EXOC4: variants seen among roughly 807,000 people sequenced by gnomAD.
EXOC4 encodes exocyst complex component 4, also known as SEC8-like 1.
In EXOC4, 71 loss-of-function variants were observed where a neutral mutation model predicts 107.2. The ratio of observed to expected loss-of-function variants is 0.66; its 90% CI spans 0.55 to 0.81. The LOEUF is 0.81. Among genes scored for constraint, EXOC4 ranks in the 30% least tolerant of loss-of-function variants. The pLI is 0.00. For synonymous variants in EXOC4, 456 were observed against 441.2 expected, an observed-to-expected ratio of 1.03 and a Z score of -0.42; for missense variants, 1,108 against 1,189.6, an observed-to-expected ratio of 0.93 and a Z score of 1.01.
At chr7:133,513,260 G>A (rs1194267835) in intron 9 of EXOC4, among the ~76,000 whole-genome samples, 2 of 152,062 alleles carry the variant, frequency 1.3e-5, no homozygotes, top group Admixed American at 1.3e-4. Context: ...GTAGAAACAG[G>A]GTTTCACCAT....
At chr7:133,509,021 C>G (rs1313612143) in intron 9 of EXOC4, among the ~76,000 whole-genome samples, 1 of 152,100 alleles carries the variant, frequency 6.6e-6, no homozygotes, top group Non-Finnish European at 1.5e-5. Flanking sequence ...TGCTTAGTAT[C>G]CAATTACCCA....
chr7:133,461,674 C>T (rs554426044), intron 7 of EXOC4, among the ~76,000 whole-genome samples: 5 of 152,144 alleles, frequency 3.3e-5, no homozygotes, highest in Admixed American at 1.3e-4. Flanking sequence ...AATGGTATTC[C>T]TATAATGTAA....
At chr7:133,855,165 A>ATATATAT (rs1563028697) in intron 11 of EXOC4, among the ~76,000 whole-genome samples, 1 of 136,638 alleles carries the variant, frequency 7.3e-6, no homozygotes, top group African/African-American at 3.0e-5. Context: ...AAATATATAT[A>ATATATAT]TTTTTTTTAT....
intron 10 of EXOC4, among the ~76,000 whole-genome samples, chr7:133,721,781 G>A (rs1179538668): frequency 6.6e-6 from 1 of 152,226 alleles, no homozygotes; most frequent in Non-Finnish European, 1.5e-5. Flanking sequence ...GTGACCTGAA[G>A]GATGGTTGGT....
In EXOC4 at chr7:133,356,583, A is replaced by C; in HGVS notation, c.1007+10A>C. The C allele has an allele frequency of 6.2e-7, 1 of 1,613,274 alleles. No homozygotes were observed. The highest frequency in any genetic ancestry group is 8.5e-7 in the Non-Finnish European group (1 of 1,179,566). On this transcript the variant is annotated intron_variant, in intron 6 of 17. Transcript: ENST00000253861. ...TGGAGAACCAACCAAGGTAGGTGGG[A>C]GTGTATTTTGTATTTTTGACAACTC...
intron 10 of EXOC4, among the ~76,000 whole-genome samples, chr7:133,812,116 T>C (rs540397116): frequency 1.3e-5 from 2 of 152,130 alleles, no homozygotes; most frequent in East Asian, 3.9e-4. Flanking sequence ...TAGGGATGAT[T>C]AGATATGAAA....
chr7:133,679,279 CT>C (rs1183049569), intron 10 of EXOC4, among the ~76,000 whole-genome samples: 1 of 152,102 alleles, frequency 6.6e-6, no homozygotes, highest in Non-Finnish European at 1.5e-5. Context: ...TTTATAGGGC[CT>C]TTTTTTCCCT....
Position 133,751,540 on chromosome 7 carries a change from G to A in EXOC4, c.1515-65785G>A, listed in dbSNP as rs563391943. On this transcript the variant is annotated intron_variant, in intron 10 of 17. Coordinates refer to ENST00000253861, the MANE Select transcript of EXOC4 (RefSeq NM_021807.4). ...TCATTCAAGTTTAATTGGTTTTCAT[G>A]GACTGAATTGAAGCAGGAAGGCATA... Among the ~76,000 whole-genome samples, 72 of 152,234 alleles carry A rather than the reference G, an allele frequency of 4.7e-4. No individual in the cohort carries two copies. The South Asian group carries it at 8.5e-3, about 18-fold the overall frequency.
intron 10 of EXOC4, among the ~76,000 whole-genome samples, chr7:133,706,403 A>C (rs1051630057): frequency 6.6e-6 from 1 of 152,210 alleles, no homozygotes; most frequent in Non-Finnish European, 1.5e-5. Context: ...TTATATTTAC[A>C]TTTATACACA....
At chr7:133,855,042 T>TCTAA (rs1554409713) in intron 11 of EXOC4, among the ~76,000 whole-genome samples, 4 of 75,690 alleles carry the variant, frequency 5.3e-5, no homozygotes, top group African/African-American at 6.1e-5. Context: ...TCTAAATATA[T>TCTAA]ATATATCTAA....
At chr7:133,542,805 G>C (rs964339184) in intron 9 of EXOC4, among the ~76,000 whole-genome samples, 1 of 151,846 alleles carries the variant, frequency 6.6e-6, no homozygotes, top group Admixed American at 6.6e-5. Flanking sequence ...CTAATGAATG[G>C]CATTTAATTC....
At chr7:133,361,679 A>T (rs565463412) in intron 6 of EXOC4, among the ~76,000 whole-genome samples, 2 of 152,222 alleles carry the variant, frequency 1.3e-5, no homozygotes, top group Non-Finnish European at 2.9e-5. Context: ...TATCCTTGCC[A>T]ATCTGAGAGG....
At chr7:133,279,948 T>A (rs1332912382) in intron 2 of EXOC4, among the ~76,000 whole-genome samples, 3 of 152,142 alleles carry the variant, frequency 2.0e-5, no homozygotes, top group Admixed American at 6.5e-5. Flanking sequence ...CAAGCTTTTT[T>A]AAAAAAATTA....
chr7:133,294,130 C>G (rs933567157), intron 3 of EXOC4, among the ~76,000 whole-genome samples: 1 of 152,126 alleles, frequency 6.6e-6, no homozygotes, highest in Non-Finnish European at 1.5e-5. Context: ...CATTATCACT[C>G]AAAACACTCC....
chr7:133,662,564 T>C (rs939147985), intron 10 of EXOC4, among the ~76,000 whole-genome samples: 1 of 152,120 alleles, frequency 6.6e-6, no homozygotes, highest in Non-Finnish European at 1.5e-5. Context: ...CTATCACGTA[T>C]GGCTAGTTTA....
chr7:133,268,492 C>T (rs1793789542), intron 1 of EXOC4, among the ~76,000 whole-genome samples: 1 of 152,082 alleles, frequency 6.6e-6, no homozygotes, highest in South Asian at 2.1e-4. Flanking sequence ...ACAATACTGA[C>T]TTTTATGTAT....
chr7:134,029,888 C>T (rs531782459), intron 17 of EXOC4, among the ~76,000 whole-genome samples: 32 of 152,254 alleles, frequency 2.1e-4, no homozygotes, highest in African/African-American at 6.7e-4. Context: ...CTATTGGGAG[C>T]TTCTCTCCAC....
At position 133,617,582 on chromosome 7, in the gene EXOC4, A is replaced by G. The variant is rs534788482; in HGVS notation, c.1418-12463A>G. On this transcript the variant is annotated intron_variant, in intron 9 of 17. Transcript: ENST00000253861. ...CCCAAGTGAACTAGCATGGCACAGGAGAACAGGAACAAAGCCCAGGACCTG... is the reference window on the plus strand; with the variant it reads ...CCCAAGTGAACTAGCATGGCACAGGGGAACAGGAACAAAGCCCAGGACCTG... 1.9e-3 allele frequency among the ~76,000 whole-genome samples: 282 copies of G among 152,300 alleles called. 4 individuals are homozygous for G. The highest frequency in any genetic ancestry group is 6.5e-3 in the African/African-American group (271 of 41,572).
At chr7:133,550,358 TA>T (rs1800561919) in intron 9 of EXOC4, among the ~76,000 whole-genome samples, 1 of 152,184 alleles carries the variant, frequency 6.6e-6, no homozygotes, top group Admixed American at 6.5e-5. Flanking sequence ...TTGTATTAAA[TA>T]TCAGGCCCTG....
Sources: allele counts gnomAD v4.1 joint callset (sites outside exome capture counted in the v4.1 genomes callset), GRCh38; gene constraint gnomAD v4.1.1; transcripts MANE v1.5; gene names NCBI Gene and HGNC (gene_info 2026-07-23, HGNC 2026-07-21).